Variants in PCSK5 observed in about 807,000 individuals in gnomAD.
PCSK5 encodes prohormone convertase 5.
A neutral mutation model predicts 233.2 loss-of-function variants in PCSK5; 129 were observed. That is an observed-to-expected ratio of 0.55 (90% CI 0.48 to 0.64). The LOEUF (loss-of-function observed/expected upper bound fraction) is 0.64. PCSK5 is among the 30% of genes least tolerant of loss of function. PCSK5 has a pLI of 0.00. For synonymous variants in PCSK5, 825 were observed against 879.2 expected, an observed-to-expected ratio of 0.94 and a Z score of 1.09; for missense variants, 2,076 against 2,430.1, an observed-to-expected ratio of 0.85 and a Z score of 3.06.
chr9:76,055,350 G>A (rs1450537477), intron 5 of PCSK5, among the ~76,000 whole-genome samples: 3 of 151,790 alleles, frequency 2.0e-5, no homozygotes, highest in South Asian at 2.1e-4. Context: ...TATTATCATC[G>A]AGTCACAAAA....
intron 8 of PCSK5, among the ~76,000 whole-genome samples, chr9:76,106,926 AC>A (rs1832002532): frequency 6.6e-6 from 1 of 152,250 alleles, no homozygotes; most frequent in South Asian, 2.1e-4. Context: ...CAGAACTGGC[AC>A]TAGGGAGAAG....
At chr9:76,173,710 C>A (rs919392193) in intron 13 of PCSK5, among the ~76,000 whole-genome samples, 1 of 151,726 alleles carries the variant, frequency 6.6e-6, no homozygotes, top group African/African-American at 2.4e-5. Flanking sequence ...TGGTGGCTCA[C>A]GTCTGTAATC....
intron 21 of PCSK5, among the ~76,000 whole-genome samples, chr9:76,230,775 G>C (rs1466889816): frequency 6.6e-6 from 1 of 152,050 alleles, no homozygotes; most frequent in African/African-American, 2.4e-5. Context: ...TGCTCATTAT[G>C]AGAATCTAAT....
intron 22 of PCSK5, among the ~76,000 whole-genome samples, chr9:76,238,286 A>G (rs1342471334): frequency 1.3e-5 from 2 of 152,224 alleles, no homozygotes; most frequent in Non-Finnish European, 2.9e-5. Context: ...CATTCCCTCC[A>G]GAAACAAATT....
At position 76,296,708 on chromosome 9, in the gene PCSK5, C is replaced by A. The variant is rs761335648; in HGVS notation, c.3366C>A (p.Asp1122Glu). 11 of 1,612,406 alleles carry A rather than the reference C, an allele frequency of 6.8e-6. No homozygotes were observed. The highest frequency in any genetic ancestry group is 8.5e-6 in the Non-Finnish European group (10 of 1,179,684). Residue 1122 changes from aspartate (D) to glutamate (E), a missense_variant, in exon 27 of 38, where the codon GAC becomes GAA. This residue lies in a region of PCSK5 where 1,510 missense variants were observed against 1,538.1 expected (regional missense o/e 0.98). Coordinates refer to ENST00000674117, the MANE Select transcript of PCSK5 (RefSeq NM_001372043.1). ...VRKCGPGFYG[D>E]QEMGECESCH... ...AATGTGGTCCTGGATTCTATGGTGA[C>A]CAAGAAATGGGAGAATGTGAGTCCT...
At chr9:76,098,567 G>A (rs914860441) in intron 8 of PCSK5, among the ~76,000 whole-genome samples, 22 of 152,270 alleles carry the variant, frequency 1.4e-4, no homozygotes, top group Middle Eastern at 3.4e-3. Context: ...AAGAGTTCTC[G>A]TTTTTTACCT....
chr9:76,046,177 T>TTTTTTTTTTTTG (rs1829377753), intron 5 of PCSK5, among the ~76,000 whole-genome samples: 1 of 118,242 alleles, frequency 8.5e-6, no homozygotes, highest in Non-Finnish European at 1.7e-5. Flanking sequence ...TTTTTTTTTT[T>TTTTTTTTTTTTG]TTTTTTTTTT....
chr9:76,113,506 G>A (rs987835936), intron 9 of PCSK5, among the ~76,000 whole-genome samples: 8 of 152,140 alleles, frequency 5.3e-5, no homozygotes, highest in Admixed American at 2.0e-4. Flanking sequence ...TGTTTCCAGC[G>A]TTGGAAAATT....
At chr9:76,243,059 G>A (rs1229565936) in intron 24 of PCSK5, among the ~76,000 whole-genome samples, 1 of 152,174 alleles carries the variant, frequency 6.6e-6, no homozygotes, top group East Asian at 1.9e-4. Context: ...TCTCCACTTA[G>A]CTGACCCAGC....
chr9:76,220,151 C>T (rs1825677861), intron 20 of PCSK5, among the ~76,000 whole-genome samples: 1 of 152,182 alleles, frequency 6.6e-6, no homozygotes, highest in African/African-American at 2.4e-5. Context: ...TTCCCATCCA[C>T]CAACAACGTT....
intron 9 of PCSK5, among the ~76,000 whole-genome samples, chr9:76,130,483 G>A (rs1044865232): frequency 6.6e-6 from 1 of 152,148 alleles, no homozygotes; most frequent in African/African-American, 2.4e-5. Flanking sequence ...GTTACTGTGT[G>A]TAACTCAAAG....
At chr9:75,928,748 T>G (rs1357509465) in intron 1 of PCSK5, among the ~76,000 whole-genome samples, 3 of 150,512 alleles carry the variant, frequency 2.0e-5, no homozygotes, top group Non-Finnish European at 4.4e-5. Context: ...AAATAAAGGG[T>G]AGAGATGTCT....
chr9:75,985,732 G>A (rs560383809), intron 2 of PCSK5, among the ~76,000 whole-genome samples: 2 of 152,262 alleles, frequency 1.3e-5, no homozygotes, highest in East Asian at 3.9e-4. Context: ...CACGTGACCT[G>A]CAAAGCCTAA....
At chr9:76,007,432 A>G (rs1416553) in intron 3 of PCSK5, among the ~76,000 whole-genome samples, 20,007 of 152,140 alleles carry the variant, frequency 0.13, 1,320 homozygotes, top group Middle Eastern at 0.15. Flanking sequence ...ATTTTCTTAG[A>G]TCATTAGTAG....
At chr9:75,929,821 C>T (rs1823694841) in intron 1 of PCSK5, among the ~76,000 whole-genome samples, 1 of 151,838 alleles carries the variant, frequency 6.6e-6, no homozygotes, top group African/African-American at 2.4e-5. Context: ...AGAATGAGGG[C>T]CAAGCGACAG....
intron 3 of PCSK5, among the ~76,000 whole-genome samples, chr9:76,003,438 T>A (rs2131433464): frequency 6.6e-6 from 1 of 152,318 alleles, no homozygotes; most frequent in East Asian, 1.9e-4. Context: ...TTTAATAAAT[T>A]TGAAAAATAC....
chr9:76,062,249 TA>T (rs11459491), intron 5 of PCSK5, among the ~76,000 whole-genome samples: 9 of 148,062 alleles, frequency 6.1e-5, no homozygotes, highest in Non-Finnish European at 9.0e-5. Context: ...GCCCGTCTCC[TA>T]AAAAAAAAAT....
chr9:76,222,267 TG>T (rs1201036990), intron 20 of PCSK5, among the ~76,000 whole-genome samples: 1 of 152,246 alleles, frequency 6.6e-6, no homozygotes. Flanking sequence ...ATACTGATTT[TG>T]TTTTTTGGCT....
chr9:75,894,956 A>G (rs555403946), intron 1 of PCSK5, among the ~76,000 whole-genome samples: 14 of 152,342 alleles, frequency 9.2e-5, no homozygotes, highest in Admixed American at 7.8e-4. Flanking sequence ...TTCAGGGAGA[A>G]GATCCCTTGT....
Sources: allele counts gnomAD v4.1 joint callset (sites outside exome capture counted in the v4.1 genomes callset), GRCh38; gene constraint gnomAD v4.1.1; regional missense constraint gnomAD v4.1.1; transcripts MANE v1.5; gene names NCBI Gene and HGNC (gene_info 2026-07-23, HGNC 2026-07-21).